SEMA5B: variants seen among roughly 807,000 people sequenced by gnomAD.
SEMA5B encodes semaphorin 5B, also known as semaphorin-5B.
A neutral mutation model predicts 135.0 loss-of-function variants in SEMA5B; 66 were observed. The ratio of observed to expected loss-of-function variants is 0.49; its 90% confidence interval spans 0.40 to 0.60. SEMA5B has a LOEUF of 0.60. SEMA5B is among the 20% of genes least tolerant of loss of function. The probability of loss-of-function intolerance (pLI) is 0.00; values close to 1 mark genes in which losing one functional copy is unlikely to be tolerated. For missense variants in SEMA5B, 1,501 were observed against 1,566.3 expected (o/e 0.96, Z 0.70); for synonymous variants, 690 against 639.5 (o/e 1.08, Z -1.19).
chr3:122,910,154 G>A lies in SEMA5B; in HGVS notation c.3445C>T (p.Pro1149Ser). The A allele has an allele frequency of 1.2e-6, 2 of 1,614,124 alleles. No homozygotes were observed. Among genetic ancestry groups the A allele is most frequent in the Non-Finnish European group, 1.7e-6 (2 of 1,179,962 alleles). ...PEASPGQRCF[P>S]NS The stretch of plus-strand genomic sequence containing the variant: ...CCAGGACGGCGGTATCAGCTGTTGG[G>A]GAAGCACCGTTGTCCAGGTGAGGCC... The change falls in exon 23 of 23, where the codon CCC becomes TCC. Residue 1149 changes from proline (P) to serine (S), a missense_variant. Physicochemically the swap from Pro to Ser is moderately conservative, Grantham distance 74. Around this residue, in one of 2 missense-constraint regions of SEMA5B, gnomAD observed 927 missense variants for 881.6 expected, o/e 1.05. Transcript: ENST00000357599.
intron 1 of SEMA5B, among the ~76,000 whole-genome samples, chr3:122,969,936 C>A (rs1055305562): frequency 6.6e-6 from 1 of 152,176 alleles, no homozygotes; most frequent in Admixed American, 6.5e-5. Context: ...GAAGCTCAAC[C>A]AGCAGGACCT....
intron 2 of SEMA5B, among the ~76,000 whole-genome samples, chr3:122,958,829 C>T (rs901399409): frequency 1.3e-5 from 2 of 152,126 alleles, no homozygotes; most frequent in Non-Finnish European, 2.9e-5. Context: ...ACTTCATCCC[C>T]TGCCTCTGCT....
intron 9 of SEMA5B, among the ~76,000 whole-genome samples, chr3:122,925,979 G>A (rs918407004): frequency 5.9e-5 from 9 of 152,300 alleles, no homozygotes; most frequent in African/African-American, 2.2e-4. Context: ...TGATGGCAGG[G>A]TTACCAGAAG....
At chr3:122,985,720 C>G (rs976147856) in intron 1 of SEMA5B, among the ~76,000 whole-genome samples, 5 of 152,138 alleles carry the variant, frequency 3.3e-5, no homozygotes, top group Non-Finnish European at 4.4e-5. Context: ...GAGGTGTGAG[C>G]TCGGAGAAAG....
intron 1 of SEMA5B, among the ~76,000 whole-genome samples, chr3:122,979,334 A>T (rs1018878334): frequency 2.0e-5 from 3 of 152,198 alleles, no homozygotes; most frequent in African/African-American, 7.2e-5. Flanking sequence ...TTTCTGCCTG[A>T]TGTGGACTGC....
intron 1 of SEMA5B, among the ~76,000 whole-genome samples, chr3:122,970,930 C>T (rs1941085405): frequency 6.6e-6 from 1 of 152,208 alleles, no homozygotes; most frequent in Non-Finnish European, 1.5e-5. Context: ...CTTTAGGGAC[C>T]CTTCTAAGTT....
intron 1 of SEMA5B, among the ~76,000 whole-genome samples, chr3:122,969,379 A>G: frequency 6.6e-6 from 1 of 152,150 alleles, no homozygotes; most frequent in East Asian, 1.9e-4. Context: ...GAGAAGGGAT[A>G]CCACCCAGGT....
chr3:122,954,469 G>A (rs1940192884), intron 2 of SEMA5B, among the ~76,000 whole-genome samples: 1 of 152,226 alleles, frequency 6.6e-6, no homozygotes, highest in Non-Finnish European at 1.5e-5. Context: ...TCCTCAGTCT[G>A]TCCTCGCCTT....
chr3:122,920,423 C>T (rs1167254261), intron 12 of SEMA5B, among the ~76,000 whole-genome samples: 3 of 151,624 alleles, frequency 2.0e-5, no homozygotes, highest in Admixed American at 2.0e-4. Context: ...TATGTGAAAG[C>T]CTGTGATTCA....
chr3:122,941,071 C>T (rs1164472506), intron 4 of SEMA5B, among the ~76,000 whole-genome samples: 1 of 152,156 alleles, frequency 6.6e-6, no homozygotes, highest in Non-Finnish European at 1.5e-5. Context: ...ACCCTAAATC[C>T]CTTTCGGAAC....
rs764169923 is a variant in SEMA5B at position 122,997,518 on chromosome 3, T to TCTCCCG, written c.-39+29945_-39+29946insCGGGAG. Among the ~76,000 whole-genome samples, 7 of 142,884 alleles carry TCTCCCG rather than the reference T, an allele frequency of 4.9e-5. No individual in the cohort carries two copies. In the East Asian group the frequency reaches 1.4e-3, roughly 29 times the overall value. The allele number at this position is 142,884 out of a possible 152,430, so 93.7% of individuals were successfully genotyped here. On this transcript the variant is annotated intron_variant, in intron 1 of 22. Transcript: ENST00000357599. The stretch of plus-strand genomic sequence containing the variant: ...GCTACCTGGCTGGTCCCCAGGCCTC[T>TCTCCCG]CCCCCCCCCGTCTCCACCAGGGCAT...
intron 1 of SEMA5B, among the ~76,000 whole-genome samples, chr3:122,995,412 C>G (rs978696301): frequency 2.6e-5 from 4 of 152,290 alleles, no homozygotes; most frequent in East Asian, 3.9e-4. Flanking sequence ...ACCAACAGCC[C>G]CTGGGATGAC....
intron 1 of SEMA5B, among the ~76,000 whole-genome samples, chr3:122,985,963 T>C (rs887948517): frequency 6.6e-6 from 1 of 152,200 alleles, no homozygotes; most frequent in Non-Finnish European, 1.5e-5. Flanking sequence ...AATGAAGTGT[T>C]AGTAGAATCA....
intron 1 of SEMA5B, among the ~76,000 whole-genome samples, chr3:122,991,853 A>C (rs997122188): frequency 6.6e-6 from 1 of 152,150 alleles, no homozygotes; most frequent in African/African-American, 2.4e-5. Context: ...ACTTAGGGAG[A>C]TATAAGCAAA....
intron 1 of SEMA5B, among the ~76,000 whole-genome samples, chr3:123,013,914 G>A (rs1942493590): frequency 6.6e-6 from 1 of 152,216 alleles, no homozygotes; most frequent in African/African-American, 2.4e-5. Context: ...TCCTACAGCT[G>A]TCTCCAGCTT....
intron 14 of SEMA5B, 137 bp from the exon 15 acceptor site, chr3:122,914,138 A>G (rs1162281556): frequency 2.1e-6 from 2 of 948,620 alleles, no homozygotes; most frequent in Non-Finnish European, 2.9e-6. Context: ...CTTCTCCTAA[A>G]CAGGTCATCT....
intron 1 of SEMA5B, among the ~76,000 whole-genome samples, chr3:123,017,409 G>A (rs1199355887): frequency 6.6e-6 from 1 of 152,016 alleles, no homozygotes; most frequent in Non-Finnish European, 1.5e-5. Context: ...CCAAAAAGCA[G>A]CCACGCTGTG....
At chr3:122,917,443 G>T (rs890862988) in intron 12 of SEMA5B, among the ~76,000 whole-genome samples, 1 of 152,226 alleles carries the variant, frequency 6.6e-6, no homozygotes, top group Non-Finnish European at 1.5e-5. Flanking sequence ...AGAGCTAAGA[G>T]TTGCAGCTCT....
At chr3:122,996,253 G>C (rs752203965) in intron 1 of SEMA5B, among the ~76,000 whole-genome samples, 1 of 152,268 alleles carries the variant, frequency 6.6e-6, no homozygotes, top group Non-Finnish European at 1.5e-5. Context: ...TGGCCTTGGC[G>C]GCTACGGGTG....
Sources: gnomAD v4.1 joint callset for allele counts (sites outside exome capture counted in the v4.1 genomes callset) on GRCh38, gnomAD v4.1.1 for gene constraint, gnomAD v4.1.1 regional missense constraint, MANE v1.5 for transcripts, NCBI Gene and HGNC (gene_info 2026-07-23, HGNC 2026-07-21) for gene names.